The following MYO9B variants were observed in gnomAD, a reference collection of about 807,000 sequenced individuals.
MYO9B encodes myosin IXB, also known as unconventional myosin-IXb.
A neutral mutation model predicts 229.5 loss-of-function variants in MYO9B; 71 were observed. The ratio of observed to expected loss-of-function variants is 0.31; its 90% confidence interval spans 0.26 to 0.38. MYO9B has a LOEUF of 0.38. Ranked by LOEUF, MYO9B falls within the 10% of genes least tolerant of loss-of-function variation. MYO9B has a pLI of 1.00. For missense variants in MYO9B, 2,255 were observed against 2,920.5 expected (o/e 0.77, Z 5.25); for synonymous variants, 1,185 against 1,235.8 (o/e 0.96, Z 0.86).
At chr19:17,152,422 G>T (rs8104795) in intron 3 of MYO9B, among the ~76,000 whole-genome samples, 61,208 of 151,636 alleles carry the variant, frequency 0.4, 12,890 homozygotes, top group Non-Finnish European at 0.46. Context: ...CTGGGTGGGG[G>T]TTGGCACACC....
chr19:17,101,544 C>A lies in MYO9B; in HGVS notation c.-58-116C>A. On this transcript the variant is annotated intron_variant, in intron 1 of 39. Coordinates refer to ENST00000682292, the MANE Select transcript of MYO9B (RefSeq NM_004145.4). This position sits in a 1 kb window ranked among gnomAD's most constrained non-coding sequence, Gnocchi z 4.7. The stretch of plus-strand genomic sequence containing the variant: ...CTCTGGCTTTTTGGGCGAGCCTAGT[C>A]GGGTGGGGAACTCCAGCATCGGGTC... 9.4e-7 allele frequency: 1 copy of A among 1,058,636 alleles called. No homozygotes were observed. The highest frequency in any genetic ancestry group is 1.3e-6 in the Non-Finnish European group (1 of 760,064). 65.6% of individuals were successfully genotyped at this position (1,058,636 alleles called of 1,614,324 possible). A position where few individuals can be genotyped will look rare whatever the true frequency, so the allele number is the denominator to read the frequency against.
chr19:17,116,282 C>A (rs2057902983), intron 2 of MYO9B, among the ~76,000 whole-genome samples: 1 of 152,226 alleles, frequency 6.6e-6, no homozygotes. Flanking sequence ...GAGCAGGACC[C>A]TGTCATCCTC....
chr19:17,140,203 A>C (rs1037403585), intron 2 of MYO9B, among the ~76,000 whole-genome samples: 5 of 152,182 alleles, frequency 3.3e-5, no homozygotes, highest in African/African-American at 1.2e-4. Context: ...TGTGCAGTGC[A>C]TGACTGTACC....
intron 22 of MYO9B, among the ~76,000 whole-genome samples, 173 bp from the exon 23 acceptor site, chr19:17,197,619 A>T (rs1221980288): frequency 6.6e-6 from 1 of 152,092 alleles, no homozygotes; most frequent in African/African-American, 2.4e-5. Flanking sequence ...AGAAGTACCC[A>T]CCCACTCCTT....
In MYO9B at chr19:17,211,724, C is replaced by G; in HGVS notation, c.6008C>G (p.Ala2003Gly). Residue 2003 changes from alanine (A) to glycine (G), a missense_variant, in exon 39 of 40, where the codon GCC becomes GGC. Physicochemically the swap from Ala to Gly is moderately conservative, Grantham distance 60. Transcript: ENST00000682292. ...GAGAACCTGGACTCGGAGACGTCGG[C>G]CAGCACCGAGAGCCTGCTGGAGGAG... ...DEENLDSETS[A>G]STESLLEERA... 1.2e-6 allele frequency: 2 copies of G among 1,613,022 alleles called. No individual in the cohort carries two copies. The highest frequency in any genetic ancestry group is 1.7e-6 in the Non-Finnish European group (2 of 1,179,740).
chr19:17,121,444 AATATATAT>A (rs59741893), intron 2 of MYO9B, among the ~76,000 whole-genome samples: 6 of 142,570 alleles, frequency 4.2e-5, no homozygotes. Flanking sequence ...ATGTATTCCA[AATATATAT>A]ATATATATAT....
intron 15 of MYO9B, 192 bp from the exon 16 acceptor site, chr19:17,183,637 G>C (rs2072885104): frequency 1.7e-6 from 1 of 582,082 alleles, no homozygotes; most frequent in African/African-American, 1.9e-5. Context: ...GGTGTCCACA[G>C]ACAGTGGCTG....
chr19:17,166,946 A>G (rs2072666191), intron 10 of MYO9B, among the ~76,000 whole-genome samples: 1 of 152,132 alleles, frequency 6.6e-6, no homozygotes, highest in South Asian at 2.1e-4. Context: ...TGCTGCAAAG[A>G]ACACACACAT....
chr19:17,185,242 CGG>C (rs1568291198), intron 17 of MYO9B, among the ~76,000 whole-genome samples: 1 of 151,728 alleles, frequency 6.6e-6, no homozygotes, highest in Non-Finnish European at 1.5e-5. Flanking sequence ...GGCGTAGTGG[CGG>C]GTGCCTGTAG....
At chr19:17,076,090 T>G (rs1600002900) in intron 1 of MYO9B, among the ~76,000 whole-genome samples, 1 of 136,228 alleles carries the variant, frequency 7.3e-6, no homozygotes. Flanking sequence ...GGTGAGGGAG[T>G]TCGAGGGCGT....
chr19:17,206,152 G>A lies in MYO9B; in HGVS notation c.5257G>A (p.Asp1753Asn). The A allele has an allele frequency of 6.2e-7, 1 of 1,608,760 alleles. No homozygotes were observed. Among genetic ancestry groups the A allele is most frequent in the Non-Finnish European group, 8.5e-7 (1 of 1,177,648 alleles). The change falls in exon 32 of 40, where the codon GAC becomes AAC. Residue 1753 changes from aspartate to asparagine, a missense_variant and splice_region_variant. Around this residue, in one of 7 missense-constraint regions of MYO9B, gnomAD observed 416 missense variants for 605.5 expected, o/e 0.69. Coordinates refer to ENST00000682292, the MANE Select transcript of MYO9B (RefSeq NM_004145.4). The stretch of plus-strand genomic sequence containing the variant: ...GGAGCTCCGGCAGGCGCTGCAGACA[G>A]GTGGGCGCTGTGGGCAGGTGGGTGC... Reference protein sequence around the residue: ...TRELRQALQTDPAAVKLENFP... With the variant: ...TRELRQALQTNPAAVKLENFP...
Position 17,098,548 on chromosome 19 carries a change from G to A in MYO9B, c.-58-3112G>A, listed in dbSNP as rs187010167. 4.1e-4 allele frequency among the ~76,000 whole-genome samples: 63 copies of A among 152,270 alleles called. 1 individual carries two copies. Among genetic ancestry groups the A allele is most frequent in the Admixed American group, 3.1e-3 (48 of 15,288 alleles). On this transcript the variant is annotated intron_variant, in intron 1 of 39. Coordinates refer to ENST00000682292, the MANE Select transcript of MYO9B (RefSeq NM_004145.4). ...CAGCCATTCTTGGTTGACTCATGCC[G>A]CATTTATGGCTCTTGATCCAAGCCC...
At chr19:17,139,377 A>C (rs1050383544) in intron 2 of MYO9B, among the ~76,000 whole-genome samples, 1 of 152,106 alleles carries the variant, frequency 6.6e-6, no homozygotes, top group African/African-American at 2.4e-5. Context: ...TGAACTCAGG[A>C]GGTCGAGGCC....
intron 29 of MYO9B, 129 bp from the exon 30 acceptor site, chr19:17,203,018 T>C: frequency 7.2e-7 from 1 of 1,383,840 alleles, no homozygotes; most frequent in African/African-American, 1.4e-5. Flanking sequence ...AGTGTGTTTT[T>C]CCCCCGGCAT....
chr19:17,099,670 T>C (rs958141090), intron 1 of MYO9B, among the ~76,000 whole-genome samples: 17 of 151,596 alleles, frequency 1.1e-4, no homozygotes, highest in Non-Finnish European at 2.1e-4. Flanking sequence ...AAAAAAAAAT[T>C]AGCCAGGCGC....
At chr19:17,140,287 T>C (rs1370839591) in intron 2 of MYO9B, among the ~76,000 whole-genome samples, 1 of 152,186 alleles carries the variant, frequency 6.6e-6, no homozygotes, top group Non-Finnish European at 1.5e-5. Context: ...GTCAAGGCTC[T>C]GGCAGATTTG....
At chr19:17,198,858 C>T (rs1485817184) in intron 24 of MYO9B, among the ~76,000 whole-genome samples, 4 of 151,868 alleles carry the variant, frequency 2.6e-5, no homozygotes, top group African/African-American at 9.7e-5. Context: ...TCTATCGGCA[C>T]TTGGCCTTCC....
chr19:17,195,205 G>A lies in MYO9B; in HGVS notation c.3778G>A (p.Val1260Ile). The A allele has an allele frequency of 1.2e-6, 2 of 1,611,954 alleles. No individual in the cohort carries two copies. Among genetic ancestry groups the A allele is most frequent in the South Asian group, 1.1e-5 (1 of 91,034 alleles). Residue 1260 changes from valine (V) to isoleucine (I), a missense_variant, in exon 22 of 40, where the codon GTC (valine) becomes ATC (isoleucine). Val to Ile is a conservative substitution (Grantham distance 29, BLOSUM62 3). Coordinates refer to ENST00000682292, the MANE Select transcript of MYO9B (RefSeq NM_004145.4). The surrounding 1 kb of genome is among the most constrained non-coding windows in gnomAD (Gnocchi z 4.5). ...RPTSLALDSR[V>I]SPPAPGSAPE... ...GACCAGCCTGGCCCTGGACAGCAGGGTCAGCCCACCGGCCCCTGGCAGCGC... is the reference window on the plus strand; with the variant it reads ...GACCAGCCTGGCCCTGGACAGCAGGATCAGCCCACCGGCCCCTGGCAGCGC...
At chr19:17,134,377 G>GTTTT (rs1568267173) in intron 2 of MYO9B, among the ~76,000 whole-genome samples, 12 of 39,716 alleles carry the variant, frequency 3.0e-4, no homozygotes, top group East Asian at 8.1e-4. Context: ...TTTTCGTTTT[G>GTTTT]TTTGTTTTTT....
Sources: allele counts gnomAD v4.1 joint callset (sites outside exome capture counted in the v4.1 genomes callset), GRCh38; gene constraint gnomAD v4.1.1; regional missense constraint gnomAD v4.1.1; non-coding constraint Gnocchi (gnomAD v3.1); transcripts MANE v1.5; gene names NCBI Gene and HGNC (gene_info 2026-07-23, HGNC 2026-07-21).